TTBK2: variants seen among roughly 807,000 people sequenced by gnomAD.
TTBK2 encodes the protein tau tubulin kinase 2, also known as tau-tubulin kinase 2.
In TTBK2, 28 loss-of-function variants were observed where a neutral mutation model predicts 110.8. The observed-to-expected ratio is 0.25, with a 90% confidence interval of 0.19 to 0.35. The LOEUF (loss-of-function observed/expected upper bound fraction) is 0.35. Among genes scored for constraint, TTBK2 ranks in the 10% least tolerant of loss-of-function variants. TTBK2 has a pLI of 1.00. For missense variants in TTBK2, 1,369 were observed against 1,500.3 expected (o/e 0.91, Z 1.45); for synonymous variants, 532 against 527.3 (o/e 1.01, Z -0.12).
chr15:42,914,070 G>C (rs1049733221), intron 1 of TTBK2, among the ~76,000 whole-genome samples: 1 of 151,186 alleles, frequency 6.6e-6, no homozygotes, highest in Non-Finnish European at 1.5e-5. Flanking sequence ...TCCACCTCCC[G>C]GATTCAAGCG....
At chr15:42,906,543 T>G (rs987625491) in intron 1 of TTBK2, among the ~76,000 whole-genome samples, 3 of 152,162 alleles carry the variant, frequency 2.0e-5, no homozygotes, top group African/African-American at 7.2e-5. Flanking sequence ...GATTAAAGAC[T>G]TCTTGAATCT....
intron 6 of TTBK2, among the ~76,000 whole-genome samples, chr15:42,818,976 T>C (rs1221174676): frequency 1.3e-5 from 2 of 150,564 alleles, no homozygotes; most frequent in African/African-American, 4.9e-5. Context: ...TCCATTCTAC[T>C]GCTCCACAAG....
chr15:42,833,998 G>A (rs1595963597), intron 4 of TTBK2, among the ~76,000 whole-genome samples: 2 of 152,046 alleles, frequency 1.3e-5, no homozygotes, highest in East Asian at 3.9e-4. Context: ...GCGACAGAGA[G>A]AGACTCTGTC....
rs75770070 is a variant in TTBK2 at position 42,795,997 on chromosome 15, C to T, written c.823-1196G>A. Among the ~76,000 whole-genome samples, 626 of 152,244 alleles carry T rather than the reference C, an allele frequency of 4.1e-3. 2 individuals carry two copies. The highest frequency in any genetic ancestry group is 6.0e-3 in the Non-Finnish European group (411 of 68,026). On this transcript the variant is annotated intron_variant, in intron 9 of 14. Transcript: ENST00000267890. Reference sequence around the variant, plus strand: ...GTAATAGTAAAGGTGATAAGAACTGCACATAGATTTCTGTCCTGAGCCACT... The same window carrying T: ...GTAATAGTAAAGGTGATAAGAACTGTACATAGATTTCTGTCCTGAGCCACT...
At chr15:42,746,812 A>G (rs1268341952) in intron 14 of TTBK2, among the ~76,000 whole-genome samples, 1 of 152,042 alleles carries the variant, frequency 6.6e-6, no homozygotes, top group East Asian at 1.9e-4. Context: ...ATAAATGTAC[A>G]TTCAACTCAT....
chr15:42,915,525 A>G (rs893606229), intron 1 of TTBK2, among the ~76,000 whole-genome samples: 2 of 152,210 alleles, frequency 1.3e-5, no homozygotes, highest in African/African-American at 2.4e-5. Flanking sequence ...ATAATTATCT[A>G]TAGGGTAAGG....
At position 42,775,876 on chromosome 15, in the gene TTBK2, T is replaced by C. The variant is rs117242112; in HGVS notation, c.1410-153A>G. Among the ~76,000 whole-genome samples the C allele has an allele frequency of 0.049, 7,492 of 152,268 alleles. 271 individuals carry two copies. The highest frequency in any genetic ancestry group is 0.071 in the Middle Eastern group (21 of 294). ...AGTTTCACAGCATTGATAATGCTCTTCTCTACCTGCCACATCCTGCTTTGG... is the reference window on the plus strand; with the variant it reads ...AGTTTCACAGCATTGATAATGCTCTCCTCTACCTGCCACATCCTGCTTTGG... On this transcript the variant is annotated intron_variant, in intron 12 of 14. Coordinates refer to ENST00000267890, the MANE Select transcript of TTBK2 (RefSeq NM_173500.4).
intron 10 of TTBK2, among the ~76,000 whole-genome samples, chr15:42,791,926 G>GC (rs1890704664): frequency 1.3e-5 from 2 of 152,170 alleles, no homozygotes; most frequent in Non-Finnish European, 2.9e-5. Context: ...TGGATCACCT[G>GC]AGGTCAGGAT....
chr15:42,857,950 G>A (rs1447477690), intron 3 of TTBK2, among the ~76,000 whole-genome samples: 2 of 152,014 alleles, frequency 1.3e-5, no homozygotes, highest in Admixed American at 1.3e-4. Context: ...AGGCATGGTG[G>A]CACATGCCTG....
chr15:42,856,850 C>T (rs1424565663), intron 3 of TTBK2, among the ~76,000 whole-genome samples: 1 of 152,170 alleles, frequency 6.6e-6, no homozygotes, highest in Non-Finnish European at 1.5e-5. Context: ...CACCTGAGGT[C>T]AGGCATTCAA....
At position 42,745,692 on chromosome 15, in the gene TTBK2, GAGA is replaced by G. The variant is rs2061781269; in HGVS notation, c.*100_*102del. Reference sequence around the variant, plus strand: ...TTGATCATGTTACTTTCTTTTGCAAGAGAAGATCAACACTGATTTTTTTACATA... The same window carrying G: ...TTGATCATGTTACTTTCTTTTGCAAGAGATCAACACTGATTTTTTTACATA... On this transcript the variant is annotated 3_prime_UTR_variant, in exon 15 of 15. Coordinates refer to ENST00000267890, the MANE Select transcript of TTBK2 (RefSeq NM_173500.4). 5.1e-6 allele frequency: 7 copies of G among 1,361,328 alleles called. No homozygotes were observed. Among genetic ancestry groups the G allele is most frequent in the East Asian group, 2.3e-5 (1 of 43,582 alleles). The allele number at this position is 1,361,328 out of a possible 1,614,324, so 84.3% of individuals were successfully genotyped here.
intron 4 of TTBK2, 91 bp downstream of exon 4, chr15:42,840,269 A>C (rs1309086108): frequency 9.1e-7 from 1 of 1,102,324 alleles, no homozygotes; most frequent in East Asian, 2.4e-5. Flanking sequence ...CATGGTACTA[A>C]GATTGTTGTT....
chr15:42,782,187 T>C (rs1454144478), intron 11 of TTBK2, among the ~76,000 whole-genome samples: 1 of 152,170 alleles, frequency 6.6e-6, no homozygotes, highest in Non-Finnish European at 1.5e-5. Flanking sequence ...TTCTCCTGCC[T>C]CAGCTTCCCA....
In TTBK2 at chr15:42,742,254, CA is replaced by C. The variant is rs2140536867; in HGVS notation, c.*3540del. On this transcript the variant is annotated 3_prime_UTR_variant, in exon 15 of 15. Coordinates refer to ENST00000267890, the MANE Select transcript of TTBK2 (RefSeq NM_173500.4). ...GACTCGATTAACTTGGCAACTTTTACAAAAAACATTCACATCACAACATGCA... is the reference window on the plus strand; with the variant it reads ...GACTCGATTAACTTGGCAACTTTTACAAAAACATTCACATCACAACATGCA... The C allele has an allele frequency of 6.6e-6, 1 of 152,282 alleles. No homozygotes were observed. The highest frequency in any genetic ancestry group is 2.1e-4 in the South Asian group (1 of 4,826). The allele number at this position is 152,282 out of a possible 1,614,324, so 9.4% of individuals were successfully genotyped here. A position where few individuals can be genotyped will look rare whatever the true frequency, so the allele number is the denominator to read the frequency against.
At chr15:42,776,941 T>G in intron 12 of TTBK2, 90 bp downstream of exon 12, 2 of 1,391,712 alleles carry the variant, frequency 1.4e-6, no homozygotes, top group Non-Finnish European at 2.0e-6. Context: ...AGACTTTATG[T>G]AACAGAAATA....
chr15:42,821,820 G>A (rs572018088), intron 6 of TTBK2, among the ~76,000 whole-genome samples: 9 of 151,778 alleles, frequency 5.9e-5, no homozygotes, highest in African/African-American at 1.7e-4. Context: ...CTCCCAAGTA[G>A]CTGGGACTAC....
chr15:42,843,252 T>C (rs1204168622), intron 3 of TTBK2, among the ~76,000 whole-genome samples: 5 of 152,176 alleles, frequency 3.3e-5, no homozygotes, highest in Non-Finnish European at 7.3e-5. Context: ...AGTTTAACTT[T>C]AAAGCAAGGA....
chr15:42,811,400 T>C (rs1891716146), intron 8 of TTBK2, among the ~76,000 whole-genome samples: 1 of 152,164 alleles, frequency 6.6e-6, no homozygotes, highest in Non-Finnish European at 1.5e-5. Context: ...AAAAGCTTAC[T>C]TGACTTACAA....
intron 9 of TTBK2, among the ~76,000 whole-genome samples, chr15:42,795,044 C>G (rs868219122): frequency 2.0e-5 from 3 of 152,168 alleles, no homozygotes; most frequent in African/African-American, 4.8e-5. Context: ...AGCATCATAT[C>G]TATAACCTAC....
Sources: gnomAD v4.1 joint callset for allele counts (sites outside exome capture counted in the v4.1 genomes callset) on GRCh38, gnomAD v4.1.1 for gene constraint, MANE v1.5 for transcripts, NCBI Gene and HGNC (gene_info 2026-07-23, HGNC 2026-07-21) for gene names.